FBXO4: variants seen among roughly 807,000 people sequenced by gnomAD.
The protein encoded by FBXO4 is F-box only protein 4.
Under a neutral mutation model 43.7 loss-of-function variants are expected in FBXO4, and 36 were observed. The ratio of observed to expected loss-of-function variants is 0.82; its 90% confidence interval spans 0.63 to 1.09. The LOEUF is 1.09. Ranked by LOEUF, FBXO4 falls within the 50% of genes least tolerant of loss-of-function variation. The pLI, the probability that FBXO4 is intolerant of heterozygous loss-of-function variation, is 0.00. For missense variants in FBXO4, 435 were observed against 474.1 expected, an observed-to-expected ratio of 0.92 and a Z score of 0.77; for synonymous variants, 180 against 165.6, an observed-to-expected ratio of 1.09 and a Z score of -0.67.
At chr5:41,955,317 T>C in the FBXO4 span, among the ~76,000 whole-genome samples, 1 of 152,196 alleles carries the variant, frequency 6.6e-6, no homozygotes, top group Admixed American at 6.5e-5. Context: ...TACATAGATT[T>C]AGTATATTTA....
At chr5:41,966,531 A>G in the FBXO4 span, among the ~76,000 whole-genome samples, 2 of 152,222 alleles carry the variant, frequency 1.3e-5, no homozygotes, top group Non-Finnish European at 2.9e-5. Flanking sequence ...GCAAGGAACA[A>G]TCCTTAACAC....
the FBXO4 span, among the ~76,000 whole-genome samples, chr5:42,029,211 T>C: frequency 1.3e-5 from 2 of 152,062 alleles, no homozygotes; most frequent in Non-Finnish European, 2.9e-5. Flanking sequence ...TTTCACTGGA[T>C]ATACTATTCT....
the FBXO4 span, among the ~76,000 whole-genome samples, chr5:41,993,321 T>G: frequency 6.6e-6 from 1 of 152,116 alleles, no homozygotes; most frequent in Non-Finnish European, 1.5e-5. Flanking sequence ...TTGATATATA[T>G]TTGACAAATA....
intron 1 of FBXO4, 100 bp downstream of exon 1, chr5:41,925,598 G>A (rs1751461907): frequency 2.2e-6 from 2 of 926,968 alleles, no homozygotes; most frequent in Non-Finnish European, 2.9e-6. Flanking sequence ...TCGCGCCCCG[G>A]CCTGGGTCTG....
intron 5 of FBXO4, among the ~76,000 whole-genome samples, chr5:41,938,720 TC>T (rs1751917374): frequency 6.6e-6 from 1 of 152,198 alleles, no homozygotes; most frequent in African/African-American, 2.4e-5. Flanking sequence ...AGAATTTGCT[TC>T]CGAGATCATT....
At position 41,930,847 on chromosome 5, in the gene FBXO4, G is replaced by A. The variant is rs189647413; in HGVS notation, c.646+930G>A. Among the ~76,000 whole-genome samples the A allele has an allele frequency of 4.7e-3, 714 of 152,106 alleles. 11 individuals carry two copies. Among genetic ancestry groups the A allele is most frequent in the African/African-American group, 0.016 (679 of 41,502 alleles). On this transcript the variant is annotated intron_variant, in intron 3 of 6. Transcript: ENST00000281623. ...TTTTTTTGGTATTTTTAGTAGAGAC[G>A]GGGTTTCACTGTGTTAGCCAGGATG...
chr5:42,023,895 C>A, the FBXO4 span, among the ~76,000 whole-genome samples: 2 of 151,958 alleles, frequency 1.3e-5, no homozygotes, highest in African/African-American at 4.8e-5. Flanking sequence ...CACCTTGCAA[C>A]AAAGAAAACT....
intron 5 of FBXO4, among the ~76,000 whole-genome samples, chr5:41,936,442 G>A (rs1751849571): frequency 6.6e-6 from 1 of 152,104 alleles, no homozygotes; most frequent in Non-Finnish European, 1.5e-5. Context: ...GCTGAGGCAG[G>A]AGAATCGCTT....
At chr5:41,990,797 T>G in the FBXO4 span, among the ~76,000 whole-genome samples, 1 of 152,200 alleles carries the variant, frequency 6.6e-6, no homozygotes. Flanking sequence ...TTTCTTGGCT[T>G]TGGACTTACT....
the FBXO4 span, among the ~76,000 whole-genome samples, chr5:41,994,593 G>A: frequency 6.6e-6 from 1 of 152,148 alleles, no homozygotes; most frequent in Non-Finnish European, 1.5e-5. Flanking sequence ...ATAGGGCATG[G>A]TAATACTAAG....
the FBXO4 span, chr5:41,963,746 GGGTT>G: frequency 6.6e-6 from 1 of 152,166 alleles, no homozygotes; most frequent in Non-Finnish European, 1.5e-5. Flanking sequence ...GGAAGAGGAA[GGGTT>G]GGTCTTGATG....
chr5:41,987,852 T>C, the FBXO4 span, among the ~76,000 whole-genome samples: 1 of 152,212 alleles, frequency 6.6e-6, no homozygotes, highest in East Asian at 1.9e-4. Context: ...TTTCCATCTC[T>C]CTCCATACAT....
At chr5:41,998,174 A>G in the FBXO4 span, among the ~76,000 whole-genome samples, 3 of 152,274 alleles carry the variant, frequency 2.0e-5, no homozygotes, top group East Asian at 1.9e-4. Flanking sequence ...TCCTTTGACG[A>G]TTGAGTGCCA....
chr5:41,928,032 A>G (rs926247790), intron 2 of FBXO4, among the ~76,000 whole-genome samples: 1 of 152,224 alleles, frequency 6.6e-6, no homozygotes, highest in Non-Finnish European at 1.5e-5. Flanking sequence ...CAGTAGCAAA[A>G]TACAGAATTT....
the FBXO4 span, among the ~76,000 whole-genome samples, chr5:41,966,185 T>C: frequency 6.6e-6 from 1 of 152,224 alleles, no homozygotes; most frequent in East Asian, 1.9e-4. Context: ...TTTGGAGATA[T>C]ACCTAATGTT....
chr5:42,005,698 G>A, the FBXO4 span, among the ~76,000 whole-genome samples: 1 of 152,092 alleles, frequency 6.6e-6, no homozygotes, highest in African/African-American at 2.4e-5. Flanking sequence ...CAGCTGTACA[G>A]AAGTTGATCA....
At chr5:41,993,859 A>G in the FBXO4 span, among the ~76,000 whole-genome samples, 2 of 151,916 alleles carry the variant, frequency 1.3e-5, no homozygotes, top group African/African-American at 2.4e-5. Context: ...AGTGTTTTGC[A>G]TTTCTCTGGC....
chr5:42,010,868 C>CTTTCTT, the FBXO4 span, among the ~76,000 whole-genome samples: 1 of 151,916 alleles, frequency 6.6e-6, no homozygotes, highest in East Asian at 1.9e-4. Context: ...ATTTTCTGCT[C>CTTTCTT]TTTCTTTTTC....
chr5:42,030,360 G>A, the FBXO4 span, among the ~76,000 whole-genome samples: 8 of 152,014 alleles, frequency 5.3e-5, no homozygotes, highest in African/African-American at 9.7e-5. Context: ...ATGGGGAAAC[G>A]ATTCCCTATT....
Sources: gnomAD v4.1 joint callset for allele counts (sites outside exome capture counted in the v4.1 genomes callset) on GRCh38, gnomAD v4.1.1 for gene constraint, MANE v1.5 for transcripts, NCBI Gene and HGNC (gene_info 2026-07-23, HGNC 2026-07-21) for gene names.